Variants in VSTM4 observed in about 807,000 individuals in gnomAD.
The protein encoded by VSTM4 is V-set and transmembrane domain-containing protein 4.
Under a neutral mutation model 36.4 loss-of-function variants are expected in VSTM4, and 20 were observed. The ratio of observed to expected loss-of-function variants is 0.55; its 90% CI spans 0.39 to 0.80. The LOEUF is 0.80. VSTM4 is among the 30% of genes least tolerant of loss of function. VSTM4 has a pLI of 0.00. For missense variants in VSTM4, 392 were observed against 404.5 expected (o/e 0.97, Z 0.26); for synonymous variants, 182 against 173.9 (o/e 1.05, Z -0.37).
At chr10:49,035,867 G>C (rs1843422293) in intron 7 of VSTM4, among the ~76,000 whole-genome samples, 1 of 152,032 alleles carries the variant, frequency 6.6e-6, no homozygotes, top group South Asian at 2.1e-4. Context: ...AAGACTCCTT[G>C]AAAGTAACTG....
intron 3 of VSTM4, among the ~76,000 whole-genome samples, chr10:49,079,141 T>C (rs148548458): frequency 1.1e-4 from 17 of 152,322 alleles, no homozygotes; most frequent in African/African-American, 2.9e-4. Context: ...CAGAAATGGA[T>C]ATTAATCTAC....
chr10:49,070,953 C>T (rs574122367), intron 4 of VSTM4, among the ~76,000 whole-genome samples: 1 of 152,262 alleles, frequency 6.6e-6, no homozygotes, highest in Non-Finnish European at 1.5e-5. Context: ...GCCTCCTCCC[C>T]ACCCGAGTCT....
intron 2 of VSTM4, chr10:49,103,481 C>G: frequency 9.2e-7 from 1 of 1,087,256 alleles, no homozygotes; most frequent in Non-Finnish European, 1.1e-6. Flanking sequence ...CAGTATTTTT[C>G]CATGTTTTCT....
At chr10:49,065,992 A>G (rs1160386570) in intron 4 of VSTM4, among the ~76,000 whole-genome samples, 1 of 151,960 alleles carries the variant, frequency 6.6e-6, no homozygotes, top group African/African-American at 2.4e-5. Flanking sequence ...TATTTATCGA[A>G]CATTTCATGT....
chr10:49,048,653 A>C (rs1204248805), intron 5 of VSTM4, 69 bp from the exon 6 acceptor site: 79 of 1,299,838 alleles, frequency 6.1e-5, no homozygotes, highest in Admixed American at 2.7e-4. Context: ...AAAAAAAAAA[A>C]CCCACAATAG....
intron 5 of VSTM4, 152 bp downstream of exon 5, chr10:49,064,551 A>C: frequency 2.4e-6 from 2 of 846,052 alleles, no homozygotes; most frequent in Non-Finnish European, 1.9e-6. Context: ...GAAACATGCA[A>C]ATGCATGCAG....
chr10:49,104,076 A>G (rs1844720314), intron 2 of VSTM4, among the ~76,000 whole-genome samples: 1 of 152,150 alleles, frequency 6.6e-6, no homozygotes, highest in Non-Finnish European at 1.5e-5. Context: ...AGGTGGGTGG[A>G]TCACCTGAGG....
intron 2 of VSTM4, among the ~76,000 whole-genome samples, chr10:49,095,502 A>G (rs555437495): frequency 6.6e-6 from 1 of 152,162 alleles, no homozygotes; most frequent in African/African-American, 2.4e-5. Flanking sequence ...CCTGTCCCCC[A>G]ACAATTGCAA....
intron 2 of VSTM4, among the ~76,000 whole-genome samples, chr10:49,086,879 C>A (rs552685502): frequency 3.6e-4 from 55 of 152,190 alleles, no homozygotes; most frequent in Admixed American, 1.4e-3. Flanking sequence ...ATTAATTTAC[C>A]CAGCTACATG....
At chr10:49,097,415 G>A (rs1844592850) in intron 2 of VSTM4, among the ~76,000 whole-genome samples, 1 of 152,070 alleles carries the variant, frequency 6.6e-6, no homozygotes, top group African/African-American at 2.4e-5. Flanking sequence ...GCACAAAGGT[G>A]GAGAGATTCC....
At chr10:49,037,785 A>C (rs1168130032) in intron 7 of VSTM4, among the ~76,000 whole-genome samples, 1 of 152,160 alleles carries the variant, frequency 6.6e-6, no homozygotes, top group Non-Finnish European at 1.5e-5. Flanking sequence ...CTCTTTTTTT[A>C]AAAATGGTCA....
chr10:49,095,264 C>G (rs896918839), intron 2 of VSTM4, among the ~76,000 whole-genome samples: 1 of 152,098 alleles, frequency 6.6e-6, no homozygotes, highest in Non-Finnish European at 1.5e-5. Flanking sequence ...TATCCACTTG[C>G]TACTACCTTC....
intron 4 of VSTM4, 152 bp downstream of exon 4, chr10:49,077,067 C>T (rs1323763511): frequency 1.4e-6 from 1 of 728,670 alleles, no homozygotes; most frequent in East Asian, 2.7e-5. Flanking sequence ...CCAAGGGAAA[C>T]ACAGCTTGCT....
intron 7 of VSTM4, among the ~76,000 whole-genome samples, chr10:49,035,550 G>A (rs1477408893): frequency 1.3e-5 from 2 of 151,814 alleles, no homozygotes; most frequent in Non-Finnish European, 2.9e-5. Flanking sequence ...AACATTTCTT[G>A]AGGCCAGGTG....
chr10:49,022,829 C>T (rs563504601), intron 7 of VSTM4, among the ~76,000 whole-genome samples: 2 of 152,204 alleles, frequency 1.3e-5, no homozygotes, highest in East Asian at 1.9e-4. Context: ...CTTGAAATTG[C>T]ATTGTTTTCT....
rs1843623430 is a variant in VSTM4, at chr10:49,047,054, T to C, written c.776-10A>G. On this transcript the variant is annotated splice_polypyrimidine_tract_variant and intron_variant, in intron 6 of 7. Coordinates refer to ENST00000332853, the MANE Select transcript of VSTM4 (RefSeq NM_001031746.5). ...GTGGGGGCTATCGGAGCTGTGGAAG[T>C]AGGTCAAGGGTTTAGCTTGCAGTTC... 1.2e-6 allele frequency: 2 copies of C among 1,614,116 alleles called. No individual in the cohort carries two copies. Among genetic ancestry groups the C allele is most frequent in the Middle Eastern group, 1.6e-4 (1 of 6,062 alleles).
At chr10:49,097,118 G>A (rs1450852346) in intron 2 of VSTM4, among the ~76,000 whole-genome samples, 3 of 152,190 alleles carry the variant, frequency 2.0e-5, no homozygotes, top group Non-Finnish European at 4.4e-5. Flanking sequence ...CTGCAAACCT[G>A]TCTCAACGCT....
chr10:49,074,447 G>C (rs767763999), intron 4 of VSTM4, among the ~76,000 whole-genome samples: 1 of 152,192 alleles, frequency 6.6e-6, no homozygotes, highest in Non-Finnish European at 1.5e-5. Context: ...AGGATTGCAG[G>C]CCTGCCCCAG....
chr10:49,049,491 G>T lies in VSTM4; in HGVS notation c.669-907C>A, dbSNP rs183251743. On this transcript the variant is annotated intron_variant, in intron 5 of 7. Transcript: ENST00000332853. ...ATCTTCTTGCAAATGCTTCCTATTC[G>T]CTCCAGTAATCCAGAGGGAAGTACC... Among the ~76,000 whole-genome samples, 13 of 152,186 alleles carry T rather than the reference G, an allele frequency of 8.5e-5. No homozygotes were observed. The East Asian group carries it at 2.1e-3, about 25-fold the overall frequency.
Sources: allele counts gnomAD v4.1 joint callset (sites outside exome capture counted in the v4.1 genomes callset), GRCh38; gene constraint gnomAD v4.1.1; transcripts MANE v1.5; gene names NCBI Gene and HGNC (gene_info 2026-07-23, HGNC 2026-07-21).